Variants in GAB3 observed in about 807,000 individuals in gnomAD.
GAB3 encodes GRB2 associated binding protein 3, also known as GRB2-associated-binding protein 3.
A neutral mutation model predicts 40.4 loss-of-function variants in GAB3; 12 were observed. That is an observed-to-expected ratio of 0.30 (90% CI 0.19 to 0.48). GAB3 has a LOEUF of 0.48. Among genes scored for constraint, GAB3 ranks in the 20% least tolerant of loss-of-function variants. The probability of loss-of-function intolerance (pLI) is 0.99; values close to 1 mark genes in which losing one functional copy is unlikely to be tolerated. For missense variants in GAB3, 381 were observed against 461.9 expected (o/e 0.82, Z 1.61); for synonymous variants, 154 against 176.7 (o/e 0.87, Z 1.02).
At chrX:154,697,614 T>C (rs1603424172) in intron 6 of GAB3, among the ~76,000 whole-genome samples, 1 of 111,985 alleles carries the variant, frequency 8.9e-6, no homozygotes, top group African/African-American at 3.3e-5. Flanking sequence ...ACCCAGGTCC[T>C]AGTCTTCCCC....
chrX:154,724,638 A>G (rs1557259206), intron 1 of GAB3, among the ~76,000 whole-genome samples: 1 of 112,143 alleles, frequency 8.9e-6, no homozygotes. Context: ...AACCTTGTGG[A>G]AAGGTGTTTG....
chrX:154,692,562 C>T (rs1178561767), intron 8 of GAB3, among the ~76,000 whole-genome samples: 2 of 111,824 alleles, frequency 1.8e-5, no homozygotes, highest in African/African-American at 3.3e-5. Flanking sequence ...CCAAGGCAGG[C>T]GGATCACATG....
intron 4 of GAB3, among the ~76,000 whole-genome samples, chrX:154,708,906 T>A (rs1485597260): frequency 5.4e-5 from 6 of 111,986 alleles, no homozygotes; most frequent in African/African-American, 1.9e-4. Flanking sequence ...ATACTTGCCC[T>A]CCTGTGTTTG....
intron 1 of GAB3, among the ~76,000 whole-genome samples, chrX:154,739,097 T>G (rs2148487510): frequency 8.9e-6 from 1 of 111,984 alleles, no homozygotes; most frequent in Admixed American, 9.5e-5. Flanking sequence ...TGAAATGACA[T>G]GCCCACTAAA....
At chrX:154,687,191 CAA>C (rs199772357) in intron 8 of GAB3, among the ~76,000 whole-genome samples, 1 of 105,580 alleles carries the variant, frequency 9.5e-6, no homozygotes, top group African/African-American at 3.5e-5. Flanking sequence ...GACTCTATCT[CAA>C]AAAAAAGAAA....
chrX:154,680,388 C>T, intron 8 of GAB3, 140 bp from the exon 9 acceptor site: 1 of 391,298 alleles, frequency 2.6e-6, no homozygotes, highest in Non-Finnish European at 4.5e-6. Flanking sequence ...GTCAATCAGC[C>T]TGCATATCTG....
chrX:154,751,295 TGTG>T (rs1313125570), upstream of GAB3, among the ~76,000 whole-genome samples: 29 of 59,882 alleles, frequency 4.8e-4, no homozygotes, highest in South Asian at 5.1e-3. Context: ...GGGGGGGGGG[TGTG>T]GGGGGGGGAG....
chrX:154,710,569 G>A (rs1408123728), intron 4 of GAB3, among the ~76,000 whole-genome samples: 5 of 111,672 alleles, frequency 4.5e-5, no homozygotes, highest in Middle Eastern at 4.2e-3. Flanking sequence ...CAGGGTCATC[G>A]GATGGAGATC....
At chrX:154,749,615 G>GC (rs2071581539) in intron 1 of GAB3, among the ~76,000 whole-genome samples, 1 of 112,458 alleles carries the variant, frequency 8.9e-6, no homozygotes. Flanking sequence ...GGACACACTG[G>GC]CACTTAGAGA....
chrX:154,727,979 A>G (rs1408634693), intron 1 of GAB3, among the ~76,000 whole-genome samples: 1 of 112,036 alleles, frequency 8.9e-6, no homozygotes, highest in Non-Finnish European at 1.9e-5. Context: ...GATTGTATCC[A>G]TTGTCAAAAG....
chrX:154,719,920 G>A (rs1032009989), intron 1 of GAB3, among the ~76,000 whole-genome samples: 5 of 111,747 alleles, frequency 4.5e-5, no homozygotes, highest in Admixed American at 9.4e-5. Flanking sequence ...GGGCTAACCT[G>A]AAGAGGCTAC....
intron 1 of GAB3, among the ~76,000 whole-genome samples, chrX:154,726,090 T>C (rs1001227841): frequency 1.8e-5 from 2 of 110,963 alleles, no homozygotes; most frequent in Non-Finnish European, 3.8e-5. Context: ...AAAATATGAC[T>C]CATAACCAAA....
chrX:154,694,360 T>G (rs1408214391), intron 8 of GAB3, among the ~76,000 whole-genome samples: 4 of 110,727 alleles, frequency 3.6e-5, no homozygotes, highest in Non-Finnish European at 7.6e-5. Context: ...GATTCTTAGC[T>G]TTGTTGTTAA....
Position 154,712,241 on chromosome X carries a change from T to C in GAB3, c.1057A>G (p.Arg353Gly). Residue 353 changes from arginine (R) to glycine (G), a missense_variant, in exon 4 of 10, where the codon AGA becomes GGA. Physicochemically the swap from Arg to Gly is moderately radical, Grantham distance 125. Coordinates refer to ENST00000424127, the MANE Select transcript of GAB3 (RefSeq NM_001081573.3). ...ACCCAACACTTACCTTTCCAGGTTCTCATGTTGTCTAAACCAGAGAGGGAG... is the reference window on the plus strand; with the variant it reads ...ACCCAACACTTACCTTTCCAGGTTCCCATGTTGTCTAAACCAGAGAGGGAG... The part of the protein sequence containing the change: ...RISLSGLDNM[R>G]TWKADVEGQS... 1 of 1,187,063 alleles carries C rather than the reference T, an allele frequency of 8.4e-7. No homozygotes were observed. Among genetic ancestry groups the C allele is most frequent in the Non-Finnish European group, 1.1e-6 (1 of 880,363 alleles).
At chrX:154,710,121 C>G (rs74705995) in intron 4 of GAB3, among the ~76,000 whole-genome samples, 1 of 111,136 alleles carries the variant, frequency 9.0e-6, no homozygotes, top group African/African-American at 3.2e-5. Flanking sequence ...TGCATTCACA[C>G]CTTGAATATG....
In GAB3 at chrX:154,700,119, C is replaced by T. The variant is rs6643691; in HGVS notation, c.1070-60G>A. 106 of 954,472 alleles carry T rather than the reference C, an allele frequency of 1.1e-4. No homozygotes were observed. In the African/African-American group the frequency reaches 1.2e-3, roughly 10 times the overall value. The allele number at this position is 954,472 out of a possible 1,213,427, so 78.7% of individuals were successfully genotyped here. ...GAACAATATCAACTGAAACTAGAGT[C>T]CAGAGAGGCAGAGAAGCATAACACA... is the stretch of plus-strand genomic sequence containing the variant. On this transcript the variant is annotated intron_variant, in intron 4 of 9. Transcript: ENST00000424127.
intron 8 of GAB3, among the ~76,000 whole-genome samples, chrX:154,689,151 C>T (rs1462466275): frequency 1.8e-5 from 2 of 111,728 alleles, no homozygotes; most frequent in East Asian, 5.6e-4. Flanking sequence ...ATAAACAGAA[C>T]CAAAGACAAA....
intron 1 of GAB3, among the ~76,000 whole-genome samples, chrX:154,740,225 C>T (rs918756960): frequency 8.9e-6 from 1 of 111,873 alleles, no homozygotes; most frequent in African/African-American, 3.3e-5. Context: ...AAGAGAAGTT[C>T]TATCATAGTA....
chrX:154,707,649 A>C (rs374213074), intron 4 of GAB3, among the ~76,000 whole-genome samples: 1 of 112,015 alleles, frequency 8.9e-6, no homozygotes, highest in Non-Finnish European at 1.9e-5. Flanking sequence ...GGAATGATAC[A>C]AGGATCCGTA....
Sources: allele counts gnomAD v4.1 joint callset (sites outside exome capture counted in the v4.1 genomes callset), GRCh38; gene constraint gnomAD v4.1.1; transcripts MANE v1.5; gene names NCBI Gene and HGNC (gene_info 2026-07-23, HGNC 2026-07-21).